The following MIR2052HG variants were observed in gnomAD, a reference collection of about 807,000 sequenced individuals.
The protein encoded by MIR2052HG is MIR2052 host gene.
intron 4 of MIR2052HG, among the ~76,000 whole-genome samples, chr8:74,740,116 T>C (rs1214505874): frequency 6.6e-6 from 1 of 152,228 alleles, no homozygotes; most frequent in Non-Finnish European, 1.5e-5. Context: ...ATTATTATTA[T>C]TTCCTGAGAT....
intron 2 of MIR2052HG, among the ~76,000 whole-genome samples, chr8:74,675,674 T>C (rs1254899605): frequency 6.6e-6 from 1 of 151,888 alleles, no homozygotes; most frequent in Admixed American, 6.6e-5. Flanking sequence ...AGAATGACAG[T>C]TAAGGTATCT....
chr8:74,602,865 C>CTTTCTTTCTTTCTTTCTTTCTTTCTT lies in MIR2052HG; in HGVS notation n.128+2968_128+2969insCTTTCTTTCTTTCTTTTTCTTTCTTT, dbSNP rs879678607. The stretch of plus-strand genomic sequence containing the variant: ...TCTTTCTTTCTTTCTTTCTTTCTTT[C>CTTTCTTTCTTTCTTTCTTTCTTTCTT]TTTCTTTCTTTTTTCTATTCACAAA... On this transcript the variant is annotated intron_variant and non_coding_transcript_variant, in intron 1 of 6. Transcript: ENST00000523442. 2.6e-3 allele frequency among the ~76,000 whole-genome samples: 373 copies of CTTTCTTTCTTTCTTTCTTTCTTTCTT among 142,732 alleles called. 6 individuals carry two copies. The highest frequency in any genetic ancestry group is 7.1e-3 in the Middle Eastern group (2 of 280). 93.6% of individuals were successfully genotyped at this position (142,732 alleles called of 152,430 possible).
At chr8:74,616,291 T>G (rs552041431) in intron 2 of MIR2052HG, among the ~76,000 whole-genome samples, 82 of 151,674 alleles carry the variant, frequency 5.4e-4, no homozygotes, top group Middle Eastern at 3.4e-3. Context: ...CCTGACTTTT[T>G]AATGATCGCC....
At chr8:74,645,954 AATGACCCCT>A (rs1389941070) in intron 2 of MIR2052HG, among the ~76,000 whole-genome samples, 1 of 152,072 alleles carries the variant, frequency 6.6e-6, no homozygotes, top group Non-Finnish European at 1.5e-5. Flanking sequence ...TTTTTTCATC[AATGACCCCT>A]ATTAGGAAAC....
chr8:74,756,408 C>T (rs187881365), intron 5 of MIR2052HG, among the ~76,000 whole-genome samples: 4 of 152,292 alleles, frequency 2.6e-5, no homozygotes, highest in African/African-American at 4.8e-5. Context: ...GGATAATCAC[C>T]GTGAACATTC....
At chr8:74,648,583 G>A (rs138524322) in intron 2 of MIR2052HG, among the ~76,000 whole-genome samples, 233 of 152,136 alleles carry the variant, frequency 1.5e-3, no homozygotes, top group African/African-American at 5.3e-3. Flanking sequence ...TCGCCATCAC[G>A]GTCCTACCAA....
At chr8:74,728,845 A>T (rs1278324818) in intron 4 of MIR2052HG, among the ~76,000 whole-genome samples, 1 of 152,156 alleles carries the variant, frequency 6.6e-6, no homozygotes, top group African/African-American at 2.4e-5. Flanking sequence ...TAACAAACAT[A>T]CACTTCCTTC....
chr8:74,611,297 A>G lies in MIR2052HG; in HGVS notation n.129-1556A>G, dbSNP rs187427427. 1.4e-4 allele frequency among the ~76,000 whole-genome samples: 22 copies of G among 152,284 alleles called. No individual in the cohort carries two copies. In the East Asian group the frequency reaches 2.9e-3, roughly 20 times the overall value. ...TGCACACCTATTACAAATATCTTATATTAAAAACACTGACAACATCAAATG... is the reference window on the plus strand; with the variant it reads ...TGCACACCTATTACAAATATCTTATGTTAAAAACACTGACAACATCAAATG... On this transcript the variant is annotated intron_variant and non_coding_transcript_variant, in intron 1 of 6. Transcript: ENST00000523442.
chr8:74,736,764 T>C (rs1809748182), intron 4 of MIR2052HG, among the ~76,000 whole-genome samples: 1 of 152,206 alleles, frequency 6.6e-6, no homozygotes, highest in Admixed American at 6.5e-5. Flanking sequence ...TGCTCTCTGT[T>C]TGCTAAATCT....
intron 2 of MIR2052HG, among the ~76,000 whole-genome samples, chr8:74,675,550 C>A (rs1809042060): frequency 6.6e-6 from 1 of 151,898 alleles, no homozygotes; most frequent in South Asian, 2.1e-4. Flanking sequence ...ACCACAGGCA[C>A]TGTGCAGAGG....
intron 4 of MIR2052HG, among the ~76,000 whole-genome samples, chr8:74,712,068 A>T (rs1382964649): frequency 6.6e-6 from 1 of 152,144 alleles, no homozygotes; most frequent in African/African-American, 2.4e-5. Flanking sequence ...AGATCACATG[A>T]ATTCAGAGCT....
At chr8:74,742,579 G>A (rs1809841921) in intron 4 of MIR2052HG, among the ~76,000 whole-genome samples, 1 of 151,958 alleles carries the variant, frequency 6.6e-6, no homozygotes, top group South Asian at 2.1e-4. Flanking sequence ...AAAAGAGTAA[G>A]CATTTTTGCA....
intron 4 of MIR2052HG, among the ~76,000 whole-genome samples, chr8:74,709,236 C>T (rs1393470063): frequency 6.6e-6 from 1 of 152,086 alleles, no homozygotes; most frequent in African/African-American, 2.4e-5. Flanking sequence ...TTGCAGAGCA[C>T]TCAAGGCATT....
At chr8:74,742,612 C>G (rs1809842192) in intron 4 of MIR2052HG, among the ~76,000 whole-genome samples, 1 of 152,028 alleles carries the variant, frequency 6.6e-6, no homozygotes, top group South Asian at 2.1e-4. Flanking sequence ...GTAGTCATTG[C>G]TGGGAACTCC....
At chr8:74,627,050 T>G (rs1046266064) in intron 2 of MIR2052HG, among the ~76,000 whole-genome samples, 2 of 152,252 alleles carry the variant, frequency 1.3e-5, no homozygotes, top group South Asian at 4.1e-4. Context: ...TAACATGGCC[T>G]GTACCCTTCT....
At position 74,603,132 on chromosome 8, in the gene MIR2052HG, T is replaced by A. The variant is rs1156424334; in HGVS notation, n.128+3224T>A. Reference sequence around the variant, plus strand: ...GAACAGAGAAAGGAATTAAAACACTTTAAGTAAAAAATCACGAGTGGATGA... The same window carrying A: ...GAACAGAGAAAGGAATTAAAACACTATAAGTAAAAAATCACGAGTGGATGA... On this transcript the variant is annotated intron_variant and non_coding_transcript_variant, in intron 1 of 6. Coordinates refer to ENST00000523442, the Ensembl canonical transcript of MIR2052HG. The A allele has an allele frequency of 6.1e-6, 4 of 658,440 alleles. No homozygotes were observed. The East Asian group carries it at 1.1e-4, about 18-fold the overall frequency. 40.8% of individuals were successfully genotyped at this position (658,440 alleles called of 1,614,324 possible).
chr8:74,648,314 C>G (rs564661935), intron 2 of MIR2052HG, among the ~76,000 whole-genome samples: 1 of 152,062 alleles, frequency 6.6e-6, no homozygotes, highest in Non-Finnish European at 1.5e-5. Flanking sequence ...TCCTGCAGTA[C>G]CCTCAGCTTA....
chr8:74,679,193 C>T (rs1212144761), intron 2 of MIR2052HG, among the ~76,000 whole-genome samples: 1 of 151,944 alleles, frequency 6.6e-6, no homozygotes. Context: ...TGCACCTGTC[C>T]CCTGAGCAGT....
chr8:74,602,817 G>GTCTTTCTTTCTTTC (rs1808022626), intron 1 of MIR2052HG, among the ~76,000 whole-genome samples: 3 of 73,786 alleles, frequency 4.1e-5, no homozygotes, highest in East Asian at 7.3e-4. Flanking sequence ...GCCCGGCCGT[G>GTCTTTCTTTCTTTC]TTTCTTTCTT....
Sources: gnomAD v4.1 joint callset for allele counts (sites outside exome capture counted in the v4.1 genomes callset) on GRCh38, gnomAD v4.1.1 for gene constraint, MANE v1.5 for transcripts, NCBI Gene and HGNC (gene_info 2026-07-23, HGNC 2026-07-21) for gene names.